NOXA1: variants seen among roughly 807,000 people sequenced by gnomAD.
NOXA1 encodes the protein NADPH oxidase activator 1.
In NOXA1, 56 loss-of-function variants were observed where a neutral mutation model predicts 64.8. The ratio of observed to expected loss-of-function variants is 0.86; its 90% CI spans 0.70 to 1.08. The LOEUF (loss-of-function observed/expected upper bound fraction) is 1.08, where lower values mean the gene tolerates loss of function less well. Among genes scored for constraint, NOXA1 ranks in the 50% least tolerant of loss-of-function variants. The pLI, the probability that NOXA1 is intolerant of heterozygous loss-of-function variation, is 0.00. For missense variants in NOXA1, 668 were observed against 658.5 expected (o/e 1.01, Z -0.16); for synonymous variants, 295 against 294.8 (o/e 1.00, Z -0.01).
In NOXA1 at chr9:137,428,102, C is replaced by G. The variant is rs1173581459; in HGVS notation, c.330C>G (p.Tyr110Ter). Residue 110 changes from tyrosine (Y) to a stop codon, truncating the protein, a stop_gained, in exon 3 of 14, where the codon TAC becomes TAG. Coordinates refer to ENST00000683555, the MANE Select transcript of NOXA1 (RefSeq NM_001256067.2). LOFTEE classifies it high-confidence loss of function. ...TGAGGGGCCACGCTGCCATCGACTA[C>G]ACGCAGCTGGGCCTGCGGTTCAAGC... ...EQLRGHAAID[Y>*]TQLGLRFKLQ... The G allele has an allele frequency of 6.3e-7, 1 of 1,583,156 alleles. No homozygotes were observed. The highest frequency in any genetic ancestry group is 8.6e-7 in the Non-Finnish European group (1 of 1,166,182).
intron 8 of NOXA1, among the ~76,000 whole-genome samples, chr9:137,432,716 C>A (rs1839162064): frequency 6.6e-6 from 1 of 152,236 alleles, no homozygotes; most frequent in Non-Finnish European, 1.5e-5. Context: ...CACACAGAGG[C>A]CGGGGCCCAG....
At position 137,430,875 on chromosome 9, in the gene NOXA1, G is replaced by T. The variant is rs746475103; in HGVS notation, c.672+32G>T. ...TTGCGGCCCCTCAGACCCCTGCCTGGCCTCACCCAGCTTTCTGGGAAAGAA... is the reference window on the plus strand; with the variant it reads ...TTGCGGCCCCTCAGACCCCTGCCTGTCCTCACCCAGCTTTCTGGGAAAGAA... On this transcript the variant is annotated intron_variant, in intron 6 of 13. Transcript: ENST00000683555. 2.6e-6 allele frequency: 4 copies of T among 1,559,740 alleles called. No homozygotes were observed. In the South Asian group the frequency reaches 3.5e-5, roughly 14 times the overall value.
intron 13 of NOXA1, 53 bp downstream of exon 13, chr9:137,434,132 G>A (rs1482789934): frequency 2.3e-5 from 36 of 1,581,934 alleles, no homozygotes; most frequent in Non-Finnish European, 2.6e-5. Context: ...GGGGTGTGGG[G>A]GGCTTAGAGC....
intron 3 of NOXA1, among the ~76,000 whole-genome samples, chr9:137,428,393 GGCA>G (rs1554746026): frequency 6.6e-6 from 1 of 152,094 alleles, no homozygotes; most frequent in Non-Finnish European, 1.5e-5. Flanking sequence ...CTGCTGGGTG[GGCA>G]GGGAGCAGGC....
Position 137,423,457 on chromosome 9 carries a change from C to T in NOXA1, c.-73C>T. The T allele has an allele frequency of 3.8e-6, 4 of 1,051,342 alleles. No individual in the cohort carries two copies. Among genetic ancestry groups the T allele is most frequent in the Non-Finnish European group, 4.8e-6 (4 of 835,306 alleles). The allele number at this position is 1,051,342 out of a possible 1,614,324, so 65.1% of individuals were successfully genotyped here. The stretch of plus-strand genomic sequence containing the variant: ...CCGCCTCGGAGACCCCGCAGCCCCG[C>T]GCCGCCGCCTGGCCCCGGCCCCGGC... On this transcript the variant is annotated 5_prime_UTR_variant, in exon 1 of 14. Coordinates refer to ENST00000683555, the MANE Select transcript of NOXA1 (RefSeq NM_001256067.2).
chr9:137,431,257 A>G lies in NOXA1; in HGVS notation c.720A>G (p.Pro240=). 6.2e-7 allele frequency: 1 copy of G among 1,612,854 alleles called. No homozygotes were observed. Among genetic ancestry groups the G allele is most frequent in the Non-Finnish European group, 8.5e-7 (1 of 1,179,910 alleles). The change falls in exon 8 of 14, where the codon CCA becomes CCG. Residue 240 remains proline, a synonymous_variant. Coordinates refer to ENST00000683555, the MANE Select transcript of NOXA1 (RefSeq NM_001256067.2). The surrounding 1 kb of genome is among the most constrained non-coding windows in gnomAD (Gnocchi z 5.6). The part of the protein sequence containing the change: ...HDARSLIMDS[P]RAGTHQGPLD... ...CTAGGTCCCTAATCATGGACTCCCC[A>G]AGAGCTGGCACCCACCAGGGCCCCC...
intron 6 of NOXA1, 78 bp downstream of exon 6, chr9:137,430,921 C>A: frequency 6.5e-7 from 1 of 1,549,596 alleles, no homozygotes; most frequent in Non-Finnish European, 8.8e-7. Context: ...AAGCTCTGAG[C>A]CCTCCTGGGG....
Position 137,433,513 on chromosome 9 carries a change from G to C in NOXA1, c.970G>C (p.Val324Leu), listed in dbSNP as rs1163024799. Reference protein sequence around the residue: ...VTVTVQCAFTVALRARRGADL... With the variant: ...VTVTVQCAFTLALRARRGADL... ...TGTCACCGTGCAGTGCGCCTTCACA[G>C]TGGCCCTGAGGGCACGAAGAGGAGC... Residue 324 changes from valine to leucine, a missense_variant, in exon 11 of 14, where the codon GTG (valine) becomes CTG (leucine). Transcript: ENST00000683555. 6.2e-7 allele frequency: 1 copy of C among 1,601,456 alleles called. No homozygotes were observed. Among genetic ancestry groups the C allele is most frequent in the African/African-American group, 1.3e-5 (1 of 74,830 alleles).
chr9:137,426,172 A>C (rs1278085909), intron 1 of NOXA1, 76 bp from the exon 2 acceptor site: 7 of 1,316,474 alleles, frequency 5.3e-6, no homozygotes, highest in Non-Finnish European at 7.7e-6. Flanking sequence ...TGGCCCTGTC[A>C]CCCATCACGC....
chr9:137,429,139 G>A (rs1651097746), intron 4 of NOXA1, 123 bp downstream of exon 4: 2 of 1,392,062 alleles, frequency 1.4e-6, no homozygotes, highest in Non-Finnish European at 1.9e-6. Flanking sequence ...TCGGGTGCCA[G>A]GCGGGGGCTT....
intron 1 of NOXA1, among the ~76,000 whole-genome samples, chr9:137,424,496 G>A (rs1838753377): frequency 6.6e-6 from 1 of 152,146 alleles, no homozygotes; most frequent in South Asian, 2.1e-4. Flanking sequence ...ATGGAGTGCC[G>A]TGGCCCAATC....
chr9:137,434,158 A>G, intron 13 of NOXA1, 66 bp from the exon 14 acceptor site: 1 of 1,581,544 alleles, frequency 6.3e-7, no homozygotes, highest in Non-Finnish European at 8.6e-7. Context: ...CTGTGCTGTG[A>G]GCAGACGTGG....
In NOXA1 at chr9:137,434,296, C is replaced by T. The variant is rs764804843; in HGVS notation, c.1367C>T (p.Ala456Val). Reference sequence around the variant, plus strand: ...TTCCCCAAGTGCTTCGTGGTCCCCGCCGGCCCTCGGATGTCAGGAGCCCCC... The same window carrying T: ...TTCCCCAAGTGCTTCGTGGTCCCCGTCGGCCCTCGGATGTCAGGAGCCCCC... Reference protein sequence around the residue: ...GIFPKCFVVPAGPRMSGAPGR... With the variant: ...GIFPKCFVVPVGPRMSGAPGR... Residue 456 changes from alanine to valine, a missense_variant, in exon 14 of 14, where the codon GCC becomes GTC. Transcript: ENST00000683555. 1 of 1,610,784 alleles carries T rather than the reference C, an allele frequency of 6.2e-7. No individual in the cohort carries two copies. The highest frequency in any genetic ancestry group is 1.3e-5 in the African/African-American group (1 of 75,026).
rs1392394303 is a variant in NOXA1 at position 137,429,269 on chromosome 9, C to T, written c.505-7C>T. 4 of 1,538,028 alleles carry T rather than the reference C, an allele frequency of 2.6e-6. No homozygotes were observed. Among genetic ancestry groups the T allele is most frequent in the Admixed American group, 2.0e-5 (1 of 49,662 alleles). On this transcript the variant is annotated splice_polypyrimidine_tract_variant and splice_region_variant and intron_variant, in intron 4 of 13. Transcript: ENST00000683555. ...GTCTGCATCTGCTGGATACCCACCC[C>T]CTCCAGAGACGGGGCTCACTGCCGC...
At chr9:137,426,853 A>G (rs1838864918) in intron 2 of NOXA1, among the ~76,000 whole-genome samples, 1 of 152,162 alleles carries the variant, frequency 6.6e-6, no homozygotes, top group African/African-American at 2.4e-5. Flanking sequence ...CTGGAGTGCA[A>G]TTGTGCGATC....
At chr9:137,432,278 TCA>T (rs1491500829) in intron 8 of NOXA1, among the ~76,000 whole-genome samples, 1 of 110,302 alleles carries the variant, frequency 9.1e-6, no homozygotes, top group Non-Finnish European at 1.8e-5. Flanking sequence ...AGACCCTGTC[TCA>T]AAAAAAAAAA....
At chr9:137,432,963 G>A in intron 8 of NOXA1, 66 bp from the exon 9 acceptor site, 8 of 1,568,998 alleles carry the variant, frequency 5.1e-6, no homozygotes, top group African/African-American at 1.3e-5. Context: ...TGTGGGCTCT[G>A]CGAGGACAGT....
At chr9:137,432,967 G>A (rs1839179868) in intron 8 of NOXA1, 62 bp from the exon 9 acceptor site, 5 of 1,580,158 alleles carry the variant, frequency 3.2e-6, no homozygotes, top group Non-Finnish European at 4.3e-6. Flanking sequence ...GGCTCTGCGA[G>A]GACAGTACCG....
In NOXA1 at chr9:137,433,602, A is replaced by G; in HGVS notation, c.1059A>G (p.Gln353=). 1.9e-6 allele frequency: 3 copies of G among 1,547,640 alleles called. No homozygotes were observed. In the South Asian group the frequency reaches 3.6e-5, roughly 18 times the overall value. ...QALPHQAQLG[Q]LSYLAPGEDG... The stretch of plus-strand genomic sequence containing the variant: ...TCCCTCACCAGGCCCAGCTTGGGCA[A>G]CTCAGGTGGGCCAGAAAGCCCCCGG... Residue 353 remains glutamine, a synonymous_variant, in exon 11 of 14, where the codon CAA becomes CAG. Coordinates refer to ENST00000683555, the MANE Select transcript of NOXA1 (RefSeq NM_001256067.2).
Sources: gnomAD v4.1 joint callset for allele counts (sites outside exome capture counted in the v4.1 genomes callset) on GRCh38, gnomAD v4.1.1 for gene constraint, Gnocchi (gnomAD v3.1) non-coding constraint, MANE v1.5 for transcripts, NCBI Gene and HGNC (gene_info 2026-07-23, HGNC 2026-07-21) for gene names.